Variants in GRID1 observed in about 807,000 individuals in gnomAD.
The protein encoded by GRID1 is glutamate receptor ionotropic, delta-1.
GRID1 carries 28 observed loss-of-function variants against 98.0 expected under a neutral mutation model. The observed-to-expected ratio is 0.29, with a 90% CI of 0.21 to 0.39. The LOEUF (loss-of-function observed/expected upper bound fraction) is 0.39, where lower values mean the gene tolerates loss of function less well. GRID1 is among the 10% of genes least tolerant of loss of function. The pLI, the probability that GRID1 is intolerant of heterozygous loss-of-function variation, is 1.00. For missense variants in GRID1, 1,111 were observed against 1,340.5 expected (o/e 0.83, Z 2.67); for synonymous variants, 553 against 538.5 (o/e 1.03, Z -0.37).
At chr10:86,008,769 C>T (rs953811988) in intron 4 of GRID1, among the ~76,000 whole-genome samples, 1 of 152,278 alleles carries the variant, frequency 6.6e-6, no homozygotes, top group South Asian at 2.1e-4. Context: ...AAATCAAGAA[C>T]ATCTCCCATA....
At chr10:86,175,340 C>CAAA (rs55758704) in intron 3 of GRID1, among the ~76,000 whole-genome samples, 1 of 105,690 alleles carries the variant, frequency 9.5e-6, no homozygotes, top group Non-Finnish European at 2.1e-5. Context: ...CTCAATAAAG[C>CAAA]AAAAAAAAAA....
intron 12 of GRID1, among the ~76,000 whole-genome samples, chr10:85,680,399 A>C (rs1841195040): frequency 6.6e-6 from 1 of 152,172 alleles, no homozygotes; most frequent in Non-Finnish European, 1.5e-5. Flanking sequence ...AAAGTGCCAC[A>C]TGATCATGGC....
chr10:86,079,790 T>A (rs1399375816), intron 4 of GRID1, among the ~76,000 whole-genome samples: 1 of 152,100 alleles, frequency 6.6e-6, no homozygotes, highest in Non-Finnish European at 1.5e-5. Flanking sequence ...TTAAACAGGG[T>A]CACTTCCCCC....
chr10:85,878,144 T>C (rs1186488941), intron 5 of GRID1, among the ~76,000 whole-genome samples: 4 of 152,146 alleles, frequency 2.6e-5, no homozygotes, highest in Admixed American at 6.6e-5. Flanking sequence ...CTACGTCTGA[T>C]TGGTGTACCT....
intron 5 of GRID1, among the ~76,000 whole-genome samples, chr10:85,876,130 C>T (rs1843328854): frequency 6.6e-6 from 1 of 152,218 alleles, no homozygotes; most frequent in South Asian, 2.1e-4. Context: ...AAGTTTCCCA[C>T]AGCTGCATTA....
intron 4 of GRID1, among the ~76,000 whole-genome samples, chr10:86,085,066 T>C (rs563612978): frequency 6.6e-6 from 1 of 152,228 alleles, no homozygotes; most frequent in Admixed American, 6.5e-5. Context: ...TTTAAACAAA[T>C]AAAGAAAGAA....
rs547568236 is a variant in GRID1, at chr10:86,167,673, A to T, written c.521-28649T>A. 3.9e-5 allele frequency among the ~76,000 whole-genome samples: 6 copies of T among 152,246 alleles called. No homozygotes were observed. The South Asian group carries it at 1.2e-3, about 32-fold the overall frequency. On this transcript the variant is annotated intron_variant, in intron 3 of 15. Coordinates refer to ENST00000327946, the MANE Select transcript of GRID1 (RefSeq NM_017551.3). ...AGCTGTTTTACAGATGAGGAAACTG[A>T]GGTTTTGCTGCCTTCCTGCCCCACC...
chr10:85,996,561 A>T (rs1842740706), intron 4 of GRID1, among the ~76,000 whole-genome samples: 1 of 152,208 alleles, frequency 6.6e-6, no homozygotes, highest in Non-Finnish European at 1.5e-5. Flanking sequence ...ATATATTTTT[A>T]AAAATGAACA....
At chr10:86,316,367 A>C (rs543604486) in intron 2 of GRID1, among the ~76,000 whole-genome samples, 1 of 152,378 alleles carries the variant, frequency 6.6e-6, no homozygotes, top group South Asian at 2.1e-4. Flanking sequence ...GGGGCTTTGC[A>C]GCCCTGACTT....
intron 5 of GRID1, among the ~76,000 whole-genome samples, chr10:85,909,676 T>C (rs1212609170): frequency 6.6e-6 from 1 of 152,180 alleles, no homozygotes; most frequent in Non-Finnish European, 1.5e-5. Flanking sequence ...CACTCCATAA[T>C]TCCACTTACA....
At chr10:86,135,985 G>A (rs1359150576) in intron 4 of GRID1, among the ~76,000 whole-genome samples, 4 of 152,224 alleles carry the variant, frequency 2.6e-5, no homozygotes, top group African/African-American at 7.2e-5. Context: ...TTGACATGCA[G>A]TTGATGTGTT....
chr10:85,938,376 C>T lies in GRID1; in HGVS notation c.727-22137G>A, dbSNP rs552908278. Among the ~76,000 whole-genome samples the T allele has an allele frequency of 7.9e-5, 12 of 152,326 alleles. No homozygotes were observed. In the South Asian group the frequency reaches 1.0e-3, roughly 13 times the overall value. ...ACTCTTGCCCTGACTTTCAATACAACGTTCTCCAATTTTTCATCTTATATA... is the reference window on the plus strand; with the variant it reads ...ACTCTTGCCCTGACTTTCAATACAATGTTCTCCAATTTTTCATCTTATATA... On this transcript the variant is annotated intron_variant, in intron 4 of 15. Coordinates refer to ENST00000327946, the MANE Select transcript of GRID1 (RefSeq NM_017551.3).
rs140144576 is a variant in GRID1 at position 85,634,998 on chromosome 10, G to GAAAAAAAAAAA, written c.2193+12193_2193+12203dup. On this transcript the variant is annotated intron_variant, in intron 13 of 15. Coordinates refer to ENST00000327946, the MANE Select transcript of GRID1 (RefSeq NM_017551.3). ...GCAAATTACAGGGCAGAGGAAATCT[G>GAAAAAAAAAAA]AAAAAAAAAAAAAAAAAAAAAAAAA... Among the ~76,000 whole-genome samples the GAAAAAAAAAAA allele has an allele frequency of 3.1e-4, 11 of 35,008 alleles. 1 individual carries two copies. Among genetic ancestry groups the GAAAAAAAAAAA allele is most frequent in the South Asian group, 2.6e-3 (1 of 390 alleles). The allele number at this position is 35,008 out of a possible 152,430, so 23.0% of individuals were successfully genotyped here. A position where few individuals can be genotyped will look rare whatever the true frequency, so the allele number is the denominator to read the frequency against.
intron 4 of GRID1, among the ~76,000 whole-genome samples, chr10:86,119,910 C>T (rs946438348): frequency 1.3e-5 from 2 of 152,128 alleles, no homozygotes; most frequent in African/African-American, 4.8e-5. Context: ...CCTGCCTCAG[C>T]CTCCCGAGTA....
At chr10:86,331,214 C>T (rs556232991) in intron 2 of GRID1, among the ~76,000 whole-genome samples, 2 of 152,332 alleles carry the variant, frequency 1.3e-5, no homozygotes, top group South Asian at 4.1e-4. Context: ...CTCTGCCAGC[C>T]GCCCAGAGTA....
intron 5 of GRID1, among the ~76,000 whole-genome samples, chr10:85,908,132 C>T (rs1370045657): frequency 6.6e-6 from 1 of 152,162 alleles, no homozygotes; most frequent in Non-Finnish European, 1.5e-5. Flanking sequence ...AAAATGATGT[C>T]TCCTGTCACC....
intron 4 of GRID1, among the ~76,000 whole-genome samples, chr10:86,013,221 G>T (rs528933266): frequency 3.3e-5 from 5 of 152,282 alleles, no homozygotes; most frequent in Non-Finnish European, 7.3e-5. Flanking sequence ...TCAAGTGAGG[G>T]CTAATAAGGC....
chr10:85,614,121 T>C (rs769957503), intron 14 of GRID1, among the ~76,000 whole-genome samples: 14 of 152,236 alleles, frequency 9.2e-5, no homozygotes, highest in Non-Finnish European at 1.6e-4. Context: ...GTCATTTGAT[T>C]TGAGGATCTT....
intron 8 of GRID1, among the ~76,000 whole-genome samples, chr10:85,840,085 T>A (rs1170509883): frequency 2.0e-5 from 3 of 152,014 alleles, no homozygotes; most frequent in African/African-American, 4.8e-5. Context: ...AGACTAATAA[T>A]GAGCTCTGAA....
Sources: allele counts gnomAD v4.1 joint callset (sites outside exome capture counted in the v4.1 genomes callset), GRCh38; gene constraint gnomAD v4.1.1; transcripts MANE v1.5; gene names NCBI Gene and HGNC (gene_info 2026-07-23, HGNC 2026-07-21).